The following USP9Y variants were observed in gnomAD, a reference collection of about 807,000 sequenced individuals.
USP9Y encodes the protein ubiquitin carboxyl-terminal hydrolase 9Y.
Under a neutral mutation model 53.1 loss-of-function variants are expected in USP9Y, and 41 were observed. The ratio of observed to expected loss-of-function variants is 0.77; its 90% confidence interval spans 0.60 to 1.00. The LOEUF is 1.00. Ranked by LOEUF, USP9Y falls within the 50% of genes least tolerant of loss-of-function variation. The pLI, the probability that USP9Y is intolerant of heterozygous loss-of-function variation, is 0.00. For missense variants in USP9Y, 567 were observed against 535.8 expected (o/e 1.06, Z -0.58); for synonymous variants, 220 against 173.7 (o/e 1.27, Z -2.09).
intron 7 of USP9Y, among the ~76,000 whole-genome samples, chrY:12,729,970 T>A (rs9785692): frequency 0.15 from 4,655 of 31,716 alleles, no homozygotes; most frequent in African/African-American, 0.58. Flanking sequence ...ATTTTTTTTT[T>A]TGGAGACAGG....
At chrY:12,807,162 T>G in intron 27 of USP9Y, among the ~76,000 whole-genome samples, 1 of 29,030 alleles carries the variant, frequency 3.4e-5, no homozygotes, top group Non-Finnish European at 8.1e-5. Context: ...ATTTCAATTT[T>G]CATTTCTTCA....
intron 5 of USP9Y, among the ~76,000 whole-genome samples, chrY:12,723,607 C>T (rs774143858): frequency 3.2e-5 from 1 of 31,569 alleles, no homozygotes; most frequent in African/African-American, 1.2e-4. Flanking sequence ...CCAGGATGGT[C>T]TTTATCTCCT....
At chrY:12,729,400 G>A in intron 7 of USP9Y, among the ~76,000 whole-genome samples, 1 of 33,781 alleles carries the variant, frequency 3.0e-5, no homozygotes, top group Non-Finnish European at 7.3e-5. Flanking sequence ...CGTTTAAGAT[G>A]TGTTGTTTAA....
At chrY:12,784,145 A>T in intron 22 of USP9Y, among the ~76,000 whole-genome samples, 1 of 33,748 alleles carries the variant, frequency 3.0e-5, no homozygotes, top group East Asian at 7.7e-4. Context: ...TTAAGTATGC[A>T]CAAAATGAAA....
intron 21 of USP9Y, 39 bp downstream of exon 21, chrY:12,778,794 G>T (rs1385079004): frequency 2.7e-6 from 1 of 366,190 alleles, no homozygotes; most frequent in Non-Finnish European, 3.9e-6. Context: ...GAAATGTGTA[G>T]AATAGTTCTT....
At chrY:12,719,988 A>G (rs2053433721) in intron 3 of USP9Y, among the ~76,000 whole-genome samples, 1 of 32,451 alleles carries the variant, frequency 3.1e-5, no homozygotes, top group Admixed American at 2.7e-4. Context: ...GGGTTTCACC[A>G]TGTTAGCTAG....
chrY:12,833,997 C>T lies in USP9Y; in HGVS notation c.5195+136C>T. The T allele has an allele frequency of 8.9e-5, 15 of 168,120 alleles. No individual in the cohort carries two copies. The Admixed American group carries it at 1.9e-3, about 22-fold the overall frequency. The allele number at this position is 168,120 out of a possible 400,897, so 41.9% of individuals were successfully genotyped here. ...ACTATGAATGAATTAAATTCATATGCATACTACACTATTCTGATTTTTTTC... is the reference window on the plus strand; with the variant it reads ...ACTATGAATGAATTAAATTCATATGTATACTACACTATTCTGATTTTTTTC... On this transcript the variant is annotated intron_variant, in intron 34 of 45. Transcript: ENST00000338981.
chrY:12,728,376 C>T (rs2053444599), intron 7 of USP9Y, among the ~76,000 whole-genome samples: 1 of 29,353 alleles, frequency 3.4e-5, no homozygotes, highest in South Asian at 7.9e-4. Context: ...ATGCTGTCTT[C>T]ATAGATGAGT....
chrY:12,725,417 C>T, intron 6 of USP9Y, among the ~76,000 whole-genome samples, 192 bp downstream of exon 6: 2 of 33,572 alleles, frequency 6.0e-5, no homozygotes, highest in Admixed American at 5.5e-4. Context: ...TTTAACCTGT[C>T]CCCTGAAATT....
At chrY:12,718,469 T>G (rs2053432831) in intron 3 of USP9Y, among the ~76,000 whole-genome samples, 1 of 33,846 alleles carries the variant, frequency 3.0e-5, no homozygotes, top group Non-Finnish European at 7.3e-5. Context: ...TCACTTGGTT[T>G]ATACATAATG....
In USP9Y at chrY:12,856,737, T is replaced by C; in HGVS notation, c.7326T>C (p.Asn2442=). 2 of 397,039 alleles carry C rather than the reference T, an allele frequency of 5.0e-6. No individual in the cohort carries two copies. The highest frequency in any genetic ancestry group is 7.1e-6 in the Non-Finnish European group (2 of 282,426). ...YTGNPQYSYN[N]WSPPVQSNET... ...GCAATCCTCAGTATAGTTACAACAA[T>C]TGGTCTCCTCCAGTACAAAGCAATG... Residue 2442 remains asparagine (N), a synonymous_variant, in exon 44 of 46, where the codon AAT becomes AAC. Transcript: ENST00000338981.
Position 12,778,683 on chromosome Y carries a change from A to G in USP9Y, c.2958A>G (p.Ala986=). ...ATAGCTCTTCCGATTCCTCAACTGC[A>G]TCTCCTGGAAACCACCGTAATCATT... The part of the protein sequence containing the change: ...SPDSSSDSST[A]SPGNHRNHYN... Residue 986 remains alanine, a synonymous_variant, in exon 21 of 46, where the codon GCA becomes GCG. Transcript: ENST00000338981. The G allele has an allele frequency of 2.5e-6, 1 of 397,304 alleles. No homozygotes were observed. The highest frequency in any genetic ancestry group is 3.5e-6 in the Non-Finnish European group (1 of 282,230).
intron 3 of USP9Y, among the ~76,000 whole-genome samples, chrY:12,712,012 A>C (rs2053425354): frequency 6.0e-5 from 2 of 33,259 alleles, no homozygotes; most frequent in Admixed American, 5.5e-4. Context: ...TCTTTTAGTG[A>C]GTTCTGGTTT....
chrY:12,836,018 T>C (rs556306257), intron 34 of USP9Y, among the ~76,000 whole-genome samples: 2 of 32,734 alleles, frequency 6.1e-5, no homozygotes, highest in African/African-American at 2.4e-4. Flanking sequence ...ATAGTGATTA[T>C]TCAAAAGTGT....
At chrY:12,782,593 A>G in intron 22 of USP9Y, among the ~76,000 whole-genome samples, 1 of 33,719 alleles carries the variant, frequency 3.0e-5, no homozygotes, top group Non-Finnish European at 7.4e-5. Context: ...TTTTGCTTGT[A>G]GGGCACAGAC....
At chrY:12,805,514 G>A (rs1603201360) in intron 27 of USP9Y, among the ~76,000 whole-genome samples, 3 of 32,668 alleles carry the variant, frequency 9.2e-5, no homozygotes, top group African/African-American at 3.6e-4. Context: ...AATCAGAAGC[G>A]GCAATCAGTG....
chrY:12,833,900 GT>G lies in USP9Y; in HGVS notation c.5195+49del, dbSNP rs752831321. 2.2e-4 allele frequency: 70 copies of G among 313,147 alleles called. No homozygotes were observed. The East Asian group carries it at 2.3e-3, about 10-fold the overall frequency. 78.1% of individuals were successfully genotyped at this position (313,147 alleles called of 400,897 possible). On this transcript the variant is annotated intron_variant, in intron 34 of 45. Coordinates refer to ENST00000338981, the MANE Select transcript of USP9Y (RefSeq NM_004654.4). Reference sequence around the variant, plus strand: ...ATGTTTTTAATGTATACTTCGTGTTGTTTTTTTTTTAATAATAGTGTAAATC... The same window carrying G: ...ATGTTTTTAATGTATACTTCGTGTTGTTTTTTTTTAATAATAGTGTAAATC...
chrY:12,750,668 C>T, intron 12 of USP9Y, among the ~76,000 whole-genome samples: 5 of 33,190 alleles, frequency 1.5e-4, no homozygotes, highest in African/African-American at 2.3e-4. Context: ...TGTTTATGTC[C>T]TATTTTACAT....
chrY:12,837,845 TA>T (rs2053556368), intron 34 of USP9Y, 65 bp from the exon 35 acceptor site: 8 of 182,835 alleles, frequency 4.4e-5, no homozygotes, highest in African/African-American at 2.9e-4. Context: ...TCTAAAAGAT[TA>T]AAAAAAAAAA....
Sources: allele counts gnomAD v4.1 joint callset (sites outside exome capture counted in the v4.1 genomes callset), GRCh38; gene constraint gnomAD v4.1.1; transcripts MANE v1.5; gene names NCBI Gene and HGNC (gene_info 2026-07-23, HGNC 2026-07-21).